FAM135A: variants seen among roughly 807,000 people sequenced by gnomAD.
The protein encoded by FAM135A is family with sequence similarity 135 member A.
Under a neutral mutation model 146.8 loss-of-function variants are expected in FAM135A, and 79 were observed. The ratio of observed to expected loss-of-function variants is 0.54; its 90% CI spans 0.45 to 0.65. FAM135A has a LOEUF of 0.65. Among genes scored for constraint, FAM135A ranks in the 30% least tolerant of loss-of-function variants. FAM135A has a pLI of 0.00. For synonymous variants in FAM135A, 562 were observed against 603.6 expected, an observed-to-expected ratio of 0.93 and a Z score of 1.01; for missense variants, 1,623 against 1,758.2, an observed-to-expected ratio of 0.92 and a Z score of 1.38.
intron 12 of FAM135A, chr6:70,503,750 G>A (rs192570437): frequency 9.9e-5 from 15 of 152,266 alleles, no homozygotes; most frequent in Admixed American, 3.3e-4. Flanking sequence ...AAATTGTACA[G>A]TAGTATTCTT....
chr6:70,490,810 T>G (rs1406444995), intron 10 of FAM135A, among the ~76,000 whole-genome samples: 18 of 152,040 alleles, frequency 1.2e-4, no homozygotes, highest in Admixed American at 1.2e-3. Flanking sequence ...TCCTTGACAG[T>G]GTTAACTCTT....
At chr6:70,512,263 C>T (rs569196463) in intron 12 of FAM135A, among the ~76,000 whole-genome samples, 2 of 151,690 alleles carry the variant, frequency 1.3e-5, no homozygotes, top group African/African-American at 4.8e-5. Flanking sequence ...TTTATGGTAT[C>T]GTATATCAGA....
At chr6:70,463,391 C>T (rs1168298898) in intron 5 of FAM135A, among the ~76,000 whole-genome samples, 3 of 150,038 alleles carry the variant, frequency 2.0e-5, no homozygotes, top group African/African-American at 7.4e-5. Context: ...GCTGGGACTA[C>T]AGGCGCATGC....
intron 12 of FAM135A, among the ~76,000 whole-genome samples, chr6:70,506,335 A>G (rs1291928572): frequency 2.0e-5 from 3 of 152,116 alleles, no homozygotes; most frequent in African/African-American, 7.2e-5. Flanking sequence ...CCAGCGACCC[A>G]ATTTTCTATG....
intron 4 of FAM135A, among the ~76,000 whole-genome samples, chr6:70,444,593 T>C (rs1005133441): frequency 1.3e-5 from 2 of 152,016 alleles, no homozygotes; most frequent in Admixed American, 1.3e-4. Flanking sequence ...GAAAAAAATT[T>C]ATTTATCTAA....
intron 4 of FAM135A, among the ~76,000 whole-genome samples, chr6:70,437,881 A>T (rs2127899503): frequency 6.6e-6 from 1 of 152,278 alleles, no homozygotes; most frequent in East Asian, 1.9e-4. Flanking sequence ...TATTAATAAA[A>T]CATGGAACGG....
chr6:70,428,360 A>G lies in FAM135A; in HGVS notation c.18A>G (p.Ala6=). The G allele has an allele frequency of 6.2e-7, 1 of 1,601,362 alleles. No homozygotes were observed. Residue 6 remains alanine (A), a synonymous_variant, in exon 4 of 22, where the codon GCA becomes GCG. Transcript: ENST00000418814. ...AATTAAAAATGACTGAAGTTCAAGC[A>G]ATGGTAGAATTCTCTGTGGAGCTAA... MTEVQ[A]MVEFSVELNK... is the part of the protein sequence containing the mutation.
intron 2 of FAM135A, among the ~76,000 whole-genome samples, chr6:70,424,846 A>G (rs534427087): frequency 1.8e-4 from 27 of 152,272 alleles, no homozygotes; most frequent in Admixed American, 1.5e-3. Context: ...AGTTTAATCA[A>G]TTGTTTTATT....
At chr6:70,442,319 G>A (rs1021544469) in intron 4 of FAM135A, among the ~76,000 whole-genome samples, 6 of 144,702 alleles carry the variant, frequency 4.1e-5, no homozygotes, top group Non-Finnish European at 7.4e-5. Flanking sequence ...ATCACTTGAA[G>A]TATTTCTCTG....
chr6:70,518,228 C>T (rs1792751011), intron 12 of FAM135A, among the ~76,000 whole-genome samples: 1 of 152,198 alleles, frequency 6.6e-6, no homozygotes, highest in Admixed American at 6.5e-5. Context: ...GAAGATCAAA[C>T]CAGCCACAAC....
At chr6:70,536,504 T>C (rs1796820095) in intron 19 of FAM135A, 93 bp downstream of exon 19, 1 of 1,024,602 alleles carries the variant, frequency 9.8e-7, no homozygotes, top group Non-Finnish European at 1.3e-6. Context: ...AACCAGTTTG[T>C]CACATACTGG....
chr6:70,555,583 C>T (rs574726803), intron 20 of FAM135A, among the ~76,000 whole-genome samples: 1 of 150,866 alleles, frequency 6.6e-6, no homozygotes, highest in East Asian at 2.0e-4. Context: ...GCTATACACA[C>T]CTATCTACAC....
At chr6:70,447,101 GGACA>G (rs1365208676) in intron 4 of FAM135A, among the ~76,000 whole-genome samples, 1 of 152,162 alleles carries the variant, frequency 6.6e-6, no homozygotes, top group African/African-American at 2.4e-5. Flanking sequence ...TTGGCCACGT[GGACA>G]GTCAGTGCTG....
chr6:70,461,093 G>T (rs1267100800), intron 5 of FAM135A, among the ~76,000 whole-genome samples: 1 of 152,062 alleles, frequency 6.6e-6, no homozygotes, highest in East Asian at 1.9e-4. Context: ...AAAGTGCTGG[G>T]ATTACAGGTG....
intron 2 of FAM135A, among the ~76,000 whole-genome samples, chr6:70,419,255 C>T (rs1193190730): frequency 5.3e-5 from 8 of 152,052 alleles, no homozygotes. Flanking sequence ...CCAGTCTGTA[C>T]TAAAAATACA....
At chr6:70,533,036 AT>A in intron 16 of FAM135A, 123 bp from the exon 17 acceptor site, 1 of 729,900 alleles carries the variant, frequency 1.4e-6, no homozygotes. Context: ...ATTTCATTGT[AT>A]ATTGTCTGTT....
At chr6:70,513,406 T>A (rs75903642) in intron 12 of FAM135A, 41 of 143,046 alleles carry the variant, frequency 2.9e-4, no homozygotes, top group African/African-American at 8.2e-4. Context: ...TTTTTTTTTT[T>A]AATCCTCTTG....
chr6:70,544,911 C>T (rs931722508), intron 20 of FAM135A, among the ~76,000 whole-genome samples: 3 of 151,550 alleles, frequency 2.0e-5, no homozygotes, highest in Non-Finnish European at 2.9e-5. Context: ...ATTAGCCAGG[C>T]GTGGTGGCGG....
chr6:70,467,516 A>G (rs1780696278), intron 5 of FAM135A, among the ~76,000 whole-genome samples: 1 of 151,646 alleles, frequency 6.6e-6, no homozygotes, highest in Non-Finnish European at 1.5e-5. Flanking sequence ...TCTTTTTGGA[A>G]CTTCTTTTGT....
Sources: gnomAD v4.1 joint callset for allele counts (sites outside exome capture counted in the v4.1 genomes callset) on GRCh38, gnomAD v4.1.1 for gene constraint, MANE v1.5 for transcripts, NCBI Gene and HGNC (gene_info 2026-07-23, HGNC 2026-07-21) for gene names.